Variants in RPS6KA6 observed in about 807,000 individuals in gnomAD.
The protein encoded by RPS6KA6 is ribosomal protein S6 kinase alpha-6.
In RPS6KA6, 27 loss-of-function variants were observed where a neutral mutation model predicts 65.4. That is an observed-to-expected ratio of 0.41 (90% CI 0.30 to 0.57). The LOEUF (loss-of-function observed/expected upper bound fraction) is 0.57, where lower values mean the gene tolerates loss of function less well. Among genes scored for constraint, RPS6KA6 ranks in the 20% least tolerant of loss-of-function variants. The pLI is 0.24. For missense variants in RPS6KA6, 486 were observed against 555.6 expected (o/e 0.87, Z 1.26); for synonymous variants, 190 against 184.2 (o/e 1.03, Z -0.26).
At chrX:84,074,382 G>A (rs2033613626) in intron 20 of RPS6KA6, among the ~76,000 whole-genome samples, 1 of 111,550 alleles carries the variant, frequency 9.0e-6, no homozygotes, top group Admixed American at 9.5e-5. Context: ...GGGAGGGATG[G>A]GGAGAGATTA....
chrX:84,102,523 A>G (rs765961327), intron 17 of RPS6KA6, among the ~76,000 whole-genome samples: 1 of 110,872 alleles, frequency 9.0e-6, no homozygotes, highest in South Asian at 3.8e-4. Flanking sequence ...TACATAACAT[A>G]TAAGAACAGT....
intron 17 of RPS6KA6, 74 bp from the exon 18 acceptor site, chrX:84,102,272 T>C (rs2034274070): frequency 1.9e-6 from 1 of 519,010 alleles, no homozygotes; most frequent in Non-Finnish European, 2.7e-6. Flanking sequence ...ATTATATCTA[T>C]ATAATTAACT....
intron 20 of RPS6KA6, among the ~76,000 whole-genome samples, chrX:84,076,743 A>C (rs2033670860): frequency 9.0e-6 from 1 of 111,619 alleles, no homozygotes; most frequent in African/African-American, 3.3e-5. Flanking sequence ...CAAAACAAGA[A>C]TGTGCATTCT....
intron 11 of RPS6KA6, among the ~76,000 whole-genome samples, chrX:84,116,854 G>A: frequency 9.0e-6 from 1 of 111,403 alleles, no homozygotes; most frequent in Non-Finnish European, 1.9e-5. Flanking sequence ...CATAATAATA[G>A]GTTGAACAGA....
rs1272664715 is a variant in RPS6KA6, at chrX:84,073,693, A to G, written c.1972-8582T>C. On this transcript the variant is annotated intron_variant, in intron 20 of 21. Coordinates refer to ENST00000262752, the MANE Select transcript of RPS6KA6 (RefSeq NM_014496.5). ...ACAACATAATAGCAAAAAAATACAT[A>G]ATTTGATTAAAAAGTGGTCAAAAAA... is the stretch of plus-strand genomic sequence containing the variant. Among the ~76,000 whole-genome samples, 3 of 111,481 alleles carry G rather than the reference A, an allele frequency of 2.7e-5. No homozygotes were observed. The East Asian group carries it at 8.4e-4, about 31-fold the overall frequency.
chrX:84,156,251 A>G, intron 2 of RPS6KA6, 60 bp from the exon 3 acceptor site: 1 of 625,225 alleles, frequency 1.6e-6, no homozygotes, highest in Non-Finnish European at 2.6e-6. Context: ...GATTAGTTCC[A>G]TTTAAAATCA....
Position 84,187,975 on chromosome X carries a change from C to G in RPS6KA6, c.-76G>C. The G allele has an allele frequency of 1.3e-6, 1 of 759,069 alleles. No individual in the cohort carries two copies. Among genetic ancestry groups the G allele is most frequent in the Non-Finnish European group, 1.8e-6 (1 of 569,553 alleles). The allele number at this position is 759,069 out of a possible 1,213,427, so 62.6% of individuals were successfully genotyped here. On this transcript the variant is annotated 5_prime_UTR_variant, in exon 1 of 22. Coordinates refer to ENST00000262752, the MANE Select transcript of RPS6KA6 (RefSeq NM_014496.5). ...CCGCGCATCCTGTCTATTGAACTGG[C>G]CCGCCGCCGCCGCCGCCGCCGCCGC...
At chrX:84,152,901 G>A (rs1602467020) in intron 3 of RPS6KA6, among the ~76,000 whole-genome samples, 1 of 111,392 alleles carries the variant, frequency 9.0e-6, no homozygotes, top group African/African-American at 3.3e-5. Context: ...CAAACTAGTG[G>A]ACCTAAAAAC....
chrX:84,129,760 T>C (rs1320670303), intron 8 of RPS6KA6, among the ~76,000 whole-genome samples: 1 of 111,168 alleles, frequency 9.0e-6, no homozygotes, highest in East Asian at 2.8e-4. Context: ...AATAAACTTA[T>C]GTTCTCACTT....
intron 6 of RPS6KA6, among the ~76,000 whole-genome samples, chrX:84,142,257 T>C (rs2035118906): frequency 9.0e-6 from 1 of 111,494 alleles, no homozygotes. Context: ...TTAAGCAGAC[T>C]TCTAAATATC....
At chrX:84,114,819 T>A (rs1294064344) in intron 12 of RPS6KA6, among the ~76,000 whole-genome samples, 1 of 112,076 alleles carries the variant, frequency 8.9e-6, no homozygotes, top group Non-Finnish European at 1.9e-5. Flanking sequence ...CCTATAGCCA[T>A]CTGATTTTCT....
chrX:84,169,946 G>A (rs1419691639), intron 1 of RPS6KA6, among the ~76,000 whole-genome samples: 2 of 110,476 alleles, frequency 1.8e-5, no homozygotes, highest in African/African-American at 6.6e-5. Flanking sequence ...TAAGGCAGGT[G>A]CATCACCTGA....
intron 2 of RPS6KA6, among the ~76,000 whole-genome samples, chrX:84,162,613 T>A (rs2035530868): frequency 8.9e-6 from 1 of 111,949 alleles, no homozygotes; most frequent in Non-Finnish European, 1.9e-5. Context: ...TAAAGGTAAA[T>A]ATTTGCCAAT....
intron 20 of RPS6KA6, among the ~76,000 whole-genome samples, chrX:84,079,734 C>T (rs917376805): frequency 8.9e-6 from 1 of 112,388 alleles, no homozygotes. Context: ...GCAGAGCCCA[C>T]TGCAGCTTGG....
intron 9 of RPS6KA6, 147 bp downstream of exon 9, chrX:84,119,738 A>G (rs1285434174): frequency 8.5e-6 from 3 of 351,999 alleles, no homozygotes; most frequent in Admixed American, 5.8e-5. Flanking sequence ...ATTGTGTAAC[A>G]GCTAGCCAAT....
intron 20 of RPS6KA6, among the ~76,000 whole-genome samples, chrX:84,088,134 C>T (rs1018316268): frequency 5.4e-5 from 6 of 111,927 alleles, no homozygotes; most frequent in African/African-American, 1.9e-4. Context: ...CCTGTTATTA[C>T]CCACCTTCTG....
In RPS6KA6 at chrX:84,062,192, A is replaced by G. The variant is rs1383225782; in HGVS notation, c.*2085T>C. On this transcript the variant is annotated 3_prime_UTR_variant, in exon 22 of 22. Coordinates refer to ENST00000262752, the MANE Select transcript of RPS6KA6 (RefSeq NM_014496.5). ...CTGTATGGCATGACCTTTCTGAGCA[A>G]GCTAATTTAAAATTAATTAAGACTG... is the stretch of plus-strand genomic sequence containing the variant. 9.1e-6 allele frequency: 1 copy of G among 109,725 alleles called. No individual in the cohort carries two copies. Among genetic ancestry groups the G allele is most frequent in the Non-Finnish European group, 1.9e-5 (1 of 52,225 alleles). The allele number at this position is 109,725 out of a possible 1,213,427, so 9.0% of individuals were successfully genotyped here. A position where few individuals can be genotyped will look rare whatever the true frequency, so the allele number is the denominator to read the frequency against.
rs1028827502 is a variant in RPS6KA6 at position 84,059,772 on chromosome X, C to T, written c.*4505G>A. The T allele has an allele frequency of 4.5e-5, 5 of 111,676 alleles. No individual in the cohort carries two copies. Among genetic ancestry groups the T allele is most frequent in the South Asian group, 3.7e-4 (1 of 2,716 alleles). The allele number at this position is 111,676 out of a possible 1,213,427, so 9.2% of individuals were successfully genotyped here. The stretch of plus-strand genomic sequence containing the variant: ...CATCCACAGAAGCTCTATTGTCCAG[C>T]GTTTAGAAATGTGAATACAAAGCAA... On this transcript the variant is annotated 3_prime_UTR_variant, in exon 22 of 22. Transcript: ENST00000262752.
chrX:84,168,681 A>G (rs951192916), intron 1 of RPS6KA6, among the ~76,000 whole-genome samples: 2 of 112,245 alleles, frequency 1.8e-5, no homozygotes, highest in Non-Finnish European at 3.8e-5. Flanking sequence ...TTATCCATAA[A>G]AAAAGAAAAA....
Sources: allele counts gnomAD v4.1 joint callset (sites outside exome capture counted in the v4.1 genomes callset), GRCh38; gene constraint gnomAD v4.1.1; transcripts MANE v1.5; gene names NCBI Gene and HGNC (gene_info 2026-07-23, HGNC 2026-07-21).